FAM98A: variants seen among roughly 807,000 people sequenced by gnomAD.
FAM98A encodes the protein protein FAM98A.
Under a neutral mutation model 62.9 loss-of-function variants are expected in FAM98A, and 25 were observed. The observed-to-expected ratio is 0.40, with a 90% CI of 0.29 to 0.56. The LOEUF (loss-of-function observed/expected upper bound fraction) is 0.56, where lower values mean the gene tolerates loss of function less well. FAM98A is among the 20% of genes least tolerant of loss of function. FAM98A has a pLI of 0.51. For missense variants in FAM98A, 653 were observed against 640.7 expected (o/e 1.02, Z -0.21); for synonymous variants, 252 against 228.6 (o/e 1.10, Z -0.92).
Position 33,586,601 on chromosome 2 carries a change from A to G in FAM98A, c.681T>C (p.Asp227=). 1 of 1,613,564 alleles carries G rather than the reference A, an allele frequency of 6.2e-7. No homozygotes were observed. Among genetic ancestry groups the G allele is most frequent in the Non-Finnish European group, 8.5e-7 (1 of 1,179,472 alleles). ...VRRKLLIKRL[D]VTVQSFGWSD... is the part of the protein sequence containing the mutation. ...ACCAGCCAAAGGATTGTACAGTGAC[A>G]TCCAAACGTTTTATTAGCAGCTTTC... is the stretch of plus-strand genomic sequence containing the variant. Residue 227 remains aspartate, a synonymous_variant, in exon 6 of 8, where the codon GAT becomes GAC. Coordinates refer to ENST00000238823, the MANE Select transcript of FAM98A (RefSeq NM_015475.5).
At position 33,586,556 on chromosome 2, in the gene FAM98A, G is replaced by A; in HGVS notation, c.720+6C>T. 6.5e-7 allele frequency: 1 copy of A among 1,540,100 alleles called. No homozygotes were observed. The highest frequency in any genetic ancestry group is 9.0e-7 in the Non-Finnish European group (1 of 1,112,898). ...AGTCTGCTCTTTTAAATTATTTAAT[G>A]TGTACCTTAGCTCTGTCAGACCAGC... On this transcript the variant is annotated splice_donor_region_variant and intron_variant, in intron 6 of 7. Transcript: ENST00000238823.
At chr2:33,591,262 T>C (rs1677666335) in intron 3 of FAM98A, among the ~76,000 whole-genome samples, 1 of 151,650 alleles carries the variant, frequency 6.6e-6, no homozygotes, top group Non-Finnish European at 1.5e-5. Context: ...CATAATAGAG[T>C]TGTAAAAACA....
intron 2 of FAM98A, among the ~76,000 whole-genome samples, chr2:33,594,220 C>T (rs1446995615): frequency 1.3e-5 from 2 of 152,048 alleles, no homozygotes; most frequent in African/African-American, 4.8e-5. Flanking sequence ...TTACACTATA[C>T]TCTCCTTAAT....
chr2:33,596,340 T>C (rs1165012696), intron 1 of FAM98A, among the ~76,000 whole-genome samples: 1 of 152,184 alleles, frequency 6.6e-6, no homozygotes, highest in Non-Finnish European at 1.5e-5. Flanking sequence ...GGTTAATAAA[T>C]ATTGGCAGTT....
rs1342490143 is a variant in FAM98A at position 33,599,257 on chromosome 2, T to C, written c.-36A>G. ...TATTCAAATTTCCGAGTCGTCAGGCTCCCCTCTTCGCCGGCAACGCGTACA... is the reference window on the plus strand; with the variant it reads ...TATTCAAATTTCCGAGTCGTCAGGCCCCCCTCTTCGCCGGCAACGCGTACA... On this transcript the variant is annotated 5_prime_UTR_variant, in exon 1 of 8. Transcript: ENST00000238823. The C allele has an allele frequency of 1.3e-6, 2 of 1,582,356 alleles. No homozygotes were observed. Among genetic ancestry groups the C allele is most frequent in the African/African-American group, 1.3e-5 (1 of 74,316 alleles).
At position 33,595,592 on chromosome 2, in the gene FAM98A, G is replaced by C. The variant is rs1426703107; in HGVS notation, c.99C>G (p.Val33=). 4.4e-6 allele frequency: 7 copies of C among 1,602,500 alleles called. No homozygotes were observed. The South Asian group carries it at 4.5e-5, about 10-fold the overall frequency. ...LLEDGALSQA[V]SAGASSPEFT... Reference sequence around the variant, plus strand: ...ACTCGGGGGAACTGGCTCCAGCAGAGACTGCCTGAGAGAGCGCTCCATCTT... The same window carrying C: ...ACTCGGGGGAACTGGCTCCAGCAGACACTGCCTGAGAGAGCGCTCCATCTT... Residue 33 remains valine, a synonymous_variant, in exon 2 of 8, where the codon GTC becomes GTG. Coordinates refer to ENST00000238823, the MANE Select transcript of FAM98A (RefSeq NM_015475.5).
rs537360649 is a variant in FAM98A at position 33,595,711 on chromosome 2, G to A, written c.54-74C>T. 6.6e-6 allele frequency: 7 copies of A among 1,056,458 alleles called. No homozygotes were observed. The South Asian group carries it at 7.4e-5, about 11-fold the overall frequency. The allele number at this position is 1,056,458 out of a possible 1,614,324, so 65.4% of individuals were successfully genotyped here. On this transcript the variant is annotated intron_variant, in intron 1 of 7. Coordinates refer to ENST00000238823, the MANE Select transcript of FAM98A (RefSeq NM_015475.5). ...TATATTACAGATAAAACATATCTAT[G>A]TCTTATTTATATAAGCAATAATTTA...
At chr2:33,594,670 T>C (rs146125145) in intron 2 of FAM98A, among the ~76,000 whole-genome samples, 3 of 17,486 alleles carry the variant, frequency 1.7e-4, no homozygotes, top group Non-Finnish European at 3.8e-4. Context: ...TATATACACA[T>C]ATATATATAC....
At chr2:33,596,003 T>C (rs890766578) in intron 1 of FAM98A, among the ~76,000 whole-genome samples, 2 of 152,202 alleles carry the variant, frequency 1.3e-5, no homozygotes, top group Non-Finnish European at 2.9e-5. Context: ...TAGCTAATTA[T>C]ACTGTAACTT....
chr2:33,599,243 C>G lies in FAM98A; in HGVS notation c.-22G>C, dbSNP rs759434521. ...CCATGCTACTGTGGTATTCAAATTT[C>G]CGAGTCGTCAGGCTCCCCTCTTCGC... is the stretch of plus-strand genomic sequence containing the variant. On this transcript the variant is annotated 5_prime_UTR_variant, in exon 1 of 8. Coordinates refer to ENST00000238823, the MANE Select transcript of FAM98A (RefSeq NM_015475.5). 6.2e-7 allele frequency: 1 copy of G among 1,610,010 alleles called. No individual in the cohort carries two copies.
intron 1 of FAM98A, among the ~76,000 whole-genome samples, chr2:33,597,106 C>T (rs1677831260): frequency 6.6e-6 from 1 of 151,916 alleles, no homozygotes; most frequent in Non-Finnish European, 1.5e-5. Context: ...AAAGACTAGG[C>T]CTAGAAGTTT....
At position 33,592,212 on chromosome 2, in the gene FAM98A, G is replaced by T; in HGVS notation, c.205C>A (p.Pro69Thr). 1 of 1,602,856 alleles carries T rather than the reference G, an allele frequency of 6.2e-7. No homozygotes were observed. The highest frequency in any genetic ancestry group is 8.5e-7 in the Non-Finnish European group (1 of 1,173,784). ...AGCTGGAATTCTTCAGCTTCACTCG[G>T]ACCTTTTAAGAATTAAAATAATCTT... is the stretch of plus-strand genomic sequence containing the variant. ...LEENVQATNSPSEAEEFQLEV... is the reference protein window; with the variant it reads ...LEENVQATNSTSEAEEFQLEV... The change falls in exon 3 of 8, where the codon CCG (proline) becomes ACG (threonine). Residue 69 changes from proline (P) to threonine (T), a missense_variant and splice_region_variant. Transcript: ENST00000238823.
At position 33,592,208 on chromosome 2, in the gene FAM98A, C is replaced by G; in HGVS notation, c.209G>C (p.Ser70Thr). The change falls in exon 3 of 8, where the codon AGT (serine) becomes ACT (threonine). Residue 70 changes from serine (S) to threonine (T), a missense_variant. Physicochemically the swap from Ser to Thr is moderately conservative, Grantham distance 58. Transcript: ENST00000238823. Reference sequence around the variant, plus strand: ...CTCAAGCTGGAATTCTTCAGCTTCACTCGGACCTTTTAAGAATTAAAATAA... The same window carrying G: ...CTCAAGCTGGAATTCTTCAGCTTCAGTCGGACCTTTTAAGAATTAAAATAA... ...EENVQATNSP[S>T]EAEEFQLEVS... is the part of the protein sequence containing the mutation. The G allele has an allele frequency of 6.2e-7, 1 of 1,606,360 alleles. No homozygotes were observed. Among genetic ancestry groups the G allele is most frequent in the Non-Finnish European group, 8.5e-7 (1 of 1,175,540 alleles).
rs1314623538 is a variant in FAM98A at position 33,599,283 on chromosome 2, C to T, written c.-62G>A. The T allele has an allele frequency of 2.2e-6, 3 of 1,388,952 alleles. No homozygotes were observed. The highest frequency in any genetic ancestry group is 1.4e-5 in the African/African-American group (1 of 70,744). The allele number at this position is 1,388,952 out of a possible 1,614,324, so 86.0% of individuals were successfully genotyped here. On this transcript the variant is annotated 5_prime_UTR_variant, in exon 1 of 8. It adds an upstream start codon to the 5' untranslated region. Coordinates refer to ENST00000238823, the MANE Select transcript of FAM98A (RefSeq NM_015475.5). ...CCCCTCTTCGCCGGCAACGCGTACA[C>T]TCGCGCATGCGCGACTTCCCCGGAA...
intron 1 of FAM98A, among the ~76,000 whole-genome samples, chr2:33,598,645 G>A (rs1677873978): frequency 6.6e-6 from 1 of 152,154 alleles, no homozygotes; most frequent in African/African-American, 2.4e-5. Context: ...CTGGCCAGCG[G>A]AACAGATGCA....
chr2:33,589,000 A>AAAC (rs1677616312), intron 3 of FAM98A: 1 of 152,226 alleles, frequency 6.6e-6, no homozygotes, highest in South Asian at 2.1e-4. Flanking sequence ...AAGAGGTGTG[A>AAAC]AACAACATTT....
In FAM98A at chr2:33,588,359, T is replaced by G; in HGVS notation, c.498A>C (p.Gln166His). Residue 166 changes from glutamine to histidine, a missense_variant, in exon 4 of 8, where the codon CAA becomes CAC. Coordinates refer to ENST00000238823, the MANE Select transcript of FAM98A (RefSeq NM_015475.5). ...CTTTTTTTTCAATCCCGCTGAAGAA[T>G]TGGAACATAGTTATATTGGCTGGAG... ...SKPPANITMFQFFSGIEKKLK... is the reference protein window; with the variant it reads ...SKPPANITMFHFFSGIEKKLK... 6.2e-7 allele frequency: 1 copy of G among 1,612,652 alleles called. No individual in the cohort carries two copies. The highest frequency in any genetic ancestry group is 8.5e-7 in the Non-Finnish European group (1 of 1,179,262).
chr2:33,591,975 T>C, intron 3 of FAM98A, 105 bp downstream of exon 3: 1 of 1,037,588 alleles, frequency 9.6e-7, no homozygotes, highest in South Asian at 1.9e-5. Context: ...GAATTTTGAA[T>C]TACATTCATA....
rs138402293 is a variant in FAM98A at position 33,595,347 on chromosome 2, C to T, written c.202+142G>A. 539 of 619,068 alleles carry T rather than the reference C, an allele frequency of 8.7e-4. 3 individuals are homozygous for T. The East Asian group carries it at 0.012, about 14-fold the overall frequency. 38.3% of individuals were successfully genotyped at this position (619,068 alleles called of 1,614,324 possible). A position where few individuals can be genotyped will look rare whatever the true frequency, so the allele number is the denominator to read the frequency against. On this transcript the variant is annotated intron_variant, in intron 2 of 7. Transcript: ENST00000238823. The stretch of plus-strand genomic sequence containing the variant: ...CTGAATCACCTCTAAAAACAACGGA[C>T]GGAAAAAAAATCTTGGCTTCTTTAC...
Sources: allele counts gnomAD v4.1 joint callset (sites outside exome capture counted in the v4.1 genomes callset), GRCh38; gene constraint gnomAD v4.1.1; transcripts MANE v1.5; gene names NCBI Gene and HGNC (gene_info 2026-07-23, HGNC 2026-07-21).